CD109: variants seen among roughly 807,000 people sequenced by gnomAD.
The protein encoded by CD109 is CD109 molecule.
Under a neutral mutation model 165.8 loss-of-function variants are expected in CD109, and 149 were observed. That is an observed-to-expected ratio of 0.90 (90% CI 0.79 to 1.03). The LOEUF (loss-of-function observed/expected upper bound fraction) is 1.03, where lower values mean the gene tolerates loss of function less well. Ranked by LOEUF, CD109 falls within the 50% of genes least tolerant of loss-of-function variation. The probability of loss-of-function intolerance (pLI) is 0.00; values close to 1 mark genes in which losing one functional copy is unlikely to be tolerated. For missense variants in CD109, 1,712 were observed against 1,677.8 expected (o/e 1.02, Z -0.36); for synonymous variants, 585 against 592.1 (o/e 0.99, Z 0.18).
chr6:73,760,811 C>T (rs1194789324), intron 7 of CD109, among the ~76,000 whole-genome samples: 1 of 152,118 alleles, frequency 6.6e-6, no homozygotes, highest in Non-Finnish European at 1.5e-5. Context: ...CACCACTGCA[C>T]TCCAGCCTGG....
At position 73,802,305 on chromosome 6, in the gene CD109, A is replaced by ATATATATAT. The variant is rs1554183463; in HGVS notation, c.2879-914_2879-913insATATATATT. On this transcript the variant is annotated intron_variant, in intron 23 of 32. Coordinates refer to ENST00000287097, the MANE Select transcript of CD109 (RefSeq NM_133493.5). Reference sequence around the variant, plus strand: ...TGTGTGTGTGTATATATATATATATATTTTTTTTTTTTTTTTTTTTTTTAG... The same window carrying ATATATATAT: ...TGTGTGTGTGTATATATATATATATATATATATATTTTTTTTTTTTTTTTTTTTTTTTAG... 4.1e-3 allele frequency among the ~76,000 whole-genome samples: 195 copies of ATATATATAT among 47,656 alleles called. 1 individual carries two copies. The highest frequency in any genetic ancestry group is 6.2e-3 in the Non-Finnish European group (149 of 24,138). The allele number at this position is 47,656 out of a possible 152,430, so 31.3% of individuals were successfully genotyped here.
At chr6:73,754,867 G>T (rs574294675) in intron 5 of CD109, among the ~76,000 whole-genome samples, 3 of 152,216 alleles carry the variant, frequency 2.0e-5, no homozygotes, top group African/African-American at 7.2e-5. Context: ...GACACTGTCA[G>T]TCTTGAATTA....
intron 2 of CD109, among the ~76,000 whole-genome samples, chr6:73,707,584 G>A (rs1025822181): frequency 2.0e-5 from 3 of 152,108 alleles, no homozygotes; most frequent in East Asian, 1.9e-4. Flanking sequence ...TACCCACCTC[G>A]TAGCATTGTT....
intron 28 of CD109, 42 bp downstream of exon 28, chr6:73,811,189 T>A (rs201223582): frequency 1.9e-6 from 3 of 1,581,388 alleles, no homozygotes; most frequent in South Asian, 1.2e-5. Context: ...GTGTAGACAA[T>A]TCTTTATGCT....
In CD109 at chr6:73,775,299, A is replaced by G. The variant is rs139377542; in HGVS notation, c.1827+3718A>G. 1.1e-3 allele frequency among the ~76,000 whole-genome samples: 170 copies of G among 152,202 alleles called. 1 individual carries two copies. Among genetic ancestry groups the G allele is most frequent in the African/African-American group, 3.9e-3 (160 of 41,524 alleles). On this transcript the variant is annotated intron_variant, in intron 15 of 32. Transcript: ENST00000287097. Reference sequence around the variant, plus strand: ...AGTGAAGCAAATTTACATATTTATCATTTTGCATAGCTACATTTTTGTGAC... The same window carrying G: ...AGTGAAGCAAATTTACATATTTATCGTTTTGCATAGCTACATTTTTGTGAC...
intron 5 of CD109, among the ~76,000 whole-genome samples, chr6:73,747,444 A>G (rs1773022886): frequency 6.6e-6 from 1 of 151,904 alleles, no homozygotes. Flanking sequence ...CACTTTCGTC[A>G]TTTACTCTCT....
chr6:73,765,969 G>T lies in CD109; in HGVS notation c.1147G>T (p.Glu383Ter). 1.9e-6 allele frequency: 3 copies of T among 1,614,040 alleles called. No individual in the cohort carries two copies. The highest frequency in any genetic ancestry group is 2.5e-6 in the Non-Finnish European group (3 of 1,179,966). The change falls in exon 11 of 33, where the codon GAA becomes TAA. Residue 383 changes from glutamate to a stop codon, truncating the protein, a stop_gained. Coordinates refer to ENST00000287097, the MANE Select transcript of CD109 (RefSeq NM_133493.5). LOFTEE classifies it high-confidence loss of function. ...TRADGNQLTL[E>*]ERRNNVVITV... is the part of the protein sequence containing the mutation. ...TGCTGATGGCAACCAACTGACTCTTGAAGAAAGAAGAAATAATGTAGTCAT... is the reference window on the plus strand; with the variant it reads ...TGCTGATGGCAACCAACTGACTCTTTAAGAAAGAAGAAATAATGTAGTCAT...
chr6:73,715,612 C>G (rs1771711923), intron 2 of CD109, among the ~76,000 whole-genome samples: 1 of 148,442 alleles, frequency 6.7e-6, no homozygotes, highest in Non-Finnish European at 1.5e-5. Context: ...AACTATACAA[C>G]TGATTCTTTT....
intron 5 of CD109, among the ~76,000 whole-genome samples, chr6:73,754,087 A>G (rs1773294387): frequency 2.0e-5 from 3 of 152,200 alleles, no homozygotes; most frequent in South Asian, 2.1e-4. Context: ...CTAATCCACC[A>G]TGGGGAGAGG....
chr6:73,689,697 TGTAA>T, the CD109 span, among the ~76,000 whole-genome samples: 3 of 152,204 alleles, frequency 2.0e-5, no homozygotes, highest in Admixed American at 6.5e-5. Flanking sequence ...TCTTTGACTT[TGTAA>T]GTTTTTGTCA....
At chr6:73,761,812 T>G (rs1773645288) in intron 7 of CD109, among the ~76,000 whole-genome samples, 1 of 149,440 alleles carries the variant, frequency 6.7e-6, no homozygotes, top group Non-Finnish European at 1.5e-5. Context: ...TGAGCCACCG[T>G]GCCCATCCAG....
upstream of CD109, among the ~76,000 whole-genome samples, chr6:73,690,867 G>A (rs951745013): frequency 2.0e-4 from 31 of 152,302 alleles, no homozygotes; most frequent in Admixed American, 1.6e-3. Flanking sequence ...GAAAGAAAGA[G>A]AGGAAGGAAA....
In CD109 at chr6:73,826,122, G is replaced by A. The variant is rs1213571591; in HGVS notation, c.*2489G>A. 6.6e-6 allele frequency: 1 copy of A among 152,202 alleles called. No homozygotes were observed. Among genetic ancestry groups the A allele is most frequent in the Non-Finnish European group, 1.5e-5 (1 of 68,062 alleles). 9.4% of individuals were successfully genotyped at this position (152,202 alleles called of 1,614,324 possible). A position where few individuals can be genotyped will look rare whatever the true frequency, so the allele number is the denominator to read the frequency against. On this transcript the variant is annotated 3_prime_UTR_variant, in exon 33 of 33. Coordinates refer to ENST00000287097, the MANE Select transcript of CD109 (RefSeq NM_133493.5). ...TGCATGGGGCTGTGCAGATGTCCCG[G>A]CCACTTCTTCCTTCATACTTCCCTT...
In CD109 at chr6:73,762,892, C is replaced by T; in HGVS notation, c.997+10C>T. 6.3e-7 allele frequency: 1 copy of T among 1,593,662 alleles called. No individual in the cohort carries two copies. The highest frequency in any genetic ancestry group is 8.5e-7 in the Non-Finnish European group (1 of 1,174,268). ...ACAGAATCAGTTACAGGTTTGTAGA[C>T]TTTAAAGTGGAGGTAAAACTATTCA... On this transcript the variant is annotated intron_variant, in intron 9 of 32. Transcript: ENST00000287097.
rs1269838871 is a variant in CD109 at position 73,771,484 on chromosome 6, G to A, written c.1730G>A (p.Arg577Lys). Reference protein sequence around the residue: ...KAEPSEKVSLRISVTQPDSIV... With the variant: ...KAEPSEKVSLKISVTQPDSIV... ...GAACCATCTGAGAAAGTCTCTCTTAGGATCTCTGTGACACAGCCTGACTCC... is the reference window on the plus strand; with the variant it reads ...GAACCATCTGAGAAAGTCTCTCTTAAGATCTCTGTGACACAGCCTGACTCC... The change falls in exon 15 of 33, where the codon AGG becomes AAG. Residue 577 changes from arginine (R) to lysine (K), a missense_variant. Coordinates refer to ENST00000287097, the MANE Select transcript of CD109 (RefSeq NM_133493.5). 3.7e-6 allele frequency: 6 copies of A among 1,610,608 alleles called. No individual in the cohort carries two copies. In the Admixed American group the frequency reaches 5.0e-5, roughly 14 times the overall value.
chr6:73,782,235 T>A (rs1190583115), intron 17 of CD109, among the ~76,000 whole-genome samples: 4 of 152,194 alleles, frequency 2.6e-5, no homozygotes, highest in African/African-American at 4.8e-5. Flanking sequence ...TGTTATGAAG[T>A]CATTATGATC....
Position 73,768,063 on chromosome 6 carries a change from CA to C in CD109, c.1507del (p.Arg503GlyfsTer7). 1 of 1,612,700 alleles carries C rather than the reference CA, an allele frequency of 6.2e-7. No individual in the cohort carries two copies. The highest frequency in any genetic ancestry group is 8.5e-7 in the Non-Finnish European group (1 of 1,179,214). ...LKELSYMVVS[R>X]GQLVAVGKQN... The stretch of plus-strand genomic sequence containing the variant: ...TCTACTGTTCTTTTCAGGTAGTATC[CA>C]GGGGACAGTTGGTGGCTGTAGGAAA... On this transcript the variant is annotated frameshift_variant, in exon 14 of 33. Transcript: ENST00000287097. LOFTEE classifies it high-confidence loss of function.
intron 5 of CD109, among the ~76,000 whole-genome samples, chr6:73,743,282 C>T (rs559931662): frequency 7.2e-5 from 11 of 152,198 alleles, no homozygotes; most frequent in Admixed American, 2.0e-4. Context: ...ATTTCGTAAC[C>T]GTTGTCTCAA....
chr6:73,763,495 G>T, intron 9 of CD109, 81 bp from the exon 10 acceptor site: 1 of 750,228 alleles, frequency 1.3e-6, no homozygotes. Context: ...TTTGCAATAG[G>T]TTAGATGGAG....
Sources: gnomAD v4.1 joint callset for allele counts (sites outside exome capture counted in the v4.1 genomes callset) on GRCh38, gnomAD v4.1.1 for gene constraint, MANE v1.5 for transcripts, NCBI Gene and HGNC (gene_info 2026-07-23, HGNC 2026-07-21) for gene names.